Variants in KCNIP4 observed in about 807,000 individuals in gnomAD.
The protein encoded by KCNIP4 is potassium voltage-gated channel interacting protein 4.
In KCNIP4, 12 loss-of-function variants were observed where a neutral mutation model predicts 34.0. That is an observed-to-expected ratio of 0.35 (90% CI 0.23 to 0.57). The LOEUF (loss-of-function observed/expected upper bound fraction) is 0.57. Among genes scored for constraint, KCNIP4 ranks in the 20% least tolerant of loss-of-function variants. The pLI, the probability that KCNIP4 is intolerant of heterozygous loss-of-function variation, is 0.83. For missense variants in KCNIP4, 238 were observed against 311.7 expected (o/e 0.76, Z 1.78); for synonymous variants, 124 against 102.2 (o/e 1.21, Z -1.29).
chr4:21,558,698 C>G (rs541254647), intron 1 of KCNIP4, among the ~76,000 whole-genome samples: 1 of 151,938 alleles, frequency 6.6e-6, no homozygotes, highest in South Asian at 2.1e-4. Context: ...TTACAATGAT[C>G]AAAGTGATGA....
chr4:21,619,160 CTCCT>C (rs71655647), intron 1 of KCNIP4, among the ~76,000 whole-genome samples: 22,557 of 152,012 alleles, frequency 0.15, 1,992 homozygotes, highest in South Asian at 0.21. Flanking sequence ...TCCGACTTCC[CTCCT>C]TAAGTCCTCG....
chr4:20,834,670 C>T (rs1718833446), intron 3 of KCNIP4, among the ~76,000 whole-genome samples: 1 of 138,294 alleles, frequency 7.2e-6, no homozygotes, highest in Non-Finnish European at 1.6e-5. Flanking sequence ...TTGTTAGCAC[C>T]GTGATGGAAA....
intron 1 of KCNIP4, among the ~76,000 whole-genome samples, chr4:21,383,234 C>T (rs1721685568): frequency 6.6e-6 from 1 of 152,110 alleles, no homozygotes; most frequent in African/African-American, 2.4e-5. Flanking sequence ...CAATAAATTT[C>T]TGGTGTTTAT....
intron 1 of KCNIP4, among the ~76,000 whole-genome samples, chr4:20,980,796 C>T (rs1735989402): frequency 6.7e-6 from 1 of 149,250 alleles, no homozygotes. Context: ...TTTTCACCTT[C>T]ACTTCTCCAC....
chr4:21,242,447 A>T (rs1759902145), intron 1 of KCNIP4, among the ~76,000 whole-genome samples: 1 of 152,154 alleles, frequency 6.6e-6, no homozygotes, highest in South Asian at 2.1e-4. Flanking sequence ...TTCTGTGTCA[A>T]CTTGACTGCA....
chr4:21,670,479 A>C (rs945301203), intron 1 of KCNIP4, among the ~76,000 whole-genome samples: 1 of 150,922 alleles, frequency 6.6e-6, no homozygotes, highest in African/African-American at 2.4e-5. Context: ...CTAGATGACG[A>C]GTTAGTGAGT....
intron 1 of KCNIP4, among the ~76,000 whole-genome samples, chr4:21,103,830 C>A (rs983484402): frequency 7.4e-5 from 11 of 147,710 alleles, no homozygotes; most frequent in African/African-American, 2.2e-4. Flanking sequence ...TGAGAACATG[C>A]GGTGTTTGGT....
chr4:21,706,662 G>C (rs1713292443), intron 1 of KCNIP4, among the ~76,000 whole-genome samples: 1 of 152,144 alleles, frequency 6.6e-6, no homozygotes, highest in Non-Finnish European at 1.5e-5. Context: ...TCTCTTCAAG[G>C]AATGACGAGT....
chr4:20,878,607 C>T (rs1373337000), intron 2 of KCNIP4, among the ~76,000 whole-genome samples: 1 of 152,180 alleles, frequency 6.6e-6, no homozygotes, highest in African/African-American at 2.4e-5. Context: ...CCACTCTTCA[C>T]TAGAAAGTGA....
chr4:21,262,603 T>C (rs941458470), intron 1 of KCNIP4, among the ~76,000 whole-genome samples: 10 of 152,208 alleles, frequency 6.6e-5, no homozygotes, highest in Non-Finnish European at 1.3e-4. Context: ...TTGCTTGATA[T>C]TGTGTTCTTA....
At chr4:21,432,759 A>C (rs1451475376) in intron 1 of KCNIP4, among the ~76,000 whole-genome samples, 2 of 152,226 alleles carry the variant, frequency 1.3e-5, no homozygotes, top group Non-Finnish European at 2.9e-5. Context: ...TGGTAAAAGC[A>C]AACAAATAAA....
At chr4:21,370,850 T>TACACACACACACAC (rs376590317) in intron 1 of KCNIP4, among the ~76,000 whole-genome samples, 4 of 14,852 alleles carry the variant, frequency 2.7e-4, no homozygotes, top group African/African-American at 6.0e-4. Context: ...TATATATATA[T>TACACACACACACAC]ACACACACAC....
chr4:20,896,824 A>G (rs1388754352), intron 1 of KCNIP4, among the ~76,000 whole-genome samples: 2 of 152,248 alleles, frequency 1.3e-5, no homozygotes, highest in Non-Finnish European at 2.9e-5. Context: ...AAATTAAGCC[A>G]TGTCCATATA....
intron 1 of KCNIP4, among the ~76,000 whole-genome samples, chr4:21,901,793 C>T (rs997894947): frequency 6.6e-6 from 1 of 151,902 alleles, no homozygotes; most frequent in Non-Finnish European, 1.5e-5. Flanking sequence ...ATTTGAAAGT[C>T]CCAAAGAGAG....
At chr4:21,248,150 T>C (rs1760433099) in intron 1 of KCNIP4, among the ~76,000 whole-genome samples, 1 of 151,434 alleles carries the variant, frequency 6.6e-6, no homozygotes, top group African/African-American at 2.4e-5. Context: ...TCACTAGAGA[T>C]TGCCTTCTGT....
At chr4:21,186,887 G>T (rs779941784) in intron 1 of KCNIP4, among the ~76,000 whole-genome samples, 6 of 152,070 alleles carry the variant, frequency 3.9e-5, no homozygotes, top group Non-Finnish European at 7.4e-5. Flanking sequence ...GGGCTCAAGG[G>T]ATCCCTCATC....
intron 1 of KCNIP4, among the ~76,000 whole-genome samples, chr4:21,049,568 T>C (rs926796703): frequency 6.6e-6 from 1 of 152,244 alleles, no homozygotes; most frequent in African/African-American, 2.4e-5. Context: ...TTCTATTCTG[T>C]GAAGTCTTTA....
rs147614237 is a variant in KCNIP4, at chr4:21,392,729, A to G, written c.62-510020T>C. Among the ~76,000 whole-genome samples the G allele has an allele frequency of 9.4e-3, 1,429 of 152,360 alleles. 25 individuals carry two copies. Among genetic ancestry groups the G allele is most frequent in the African/African-American group, 0.033 (1,375 of 41,578 alleles). ...AACAAACTCAAAACAAAGGCTGACA[A>G]AGAGAGTCATCTGAAATTCTCATTA... On this transcript the variant is annotated intron_variant, in intron 1 of 8. Coordinates refer to ENST00000382152, the MANE Select transcript of KCNIP4 (RefSeq NM_025221.6).
intron 1 of KCNIP4, among the ~76,000 whole-genome samples, chr4:21,773,494 C>T (rs569436788): frequency 1.3e-5 from 2 of 152,240 alleles, no homozygotes; most frequent in East Asian, 1.9e-4. Context: ...TCTCTTTGAT[C>T]TGTCTAATGC....
Sources: allele counts gnomAD v4.1 joint callset (sites outside exome capture counted in the v4.1 genomes callset), GRCh38; gene constraint gnomAD v4.1.1; transcripts MANE v1.5; gene names NCBI Gene and HGNC (gene_info 2026-07-23, HGNC 2026-07-21).